Variants in KLF13 observed in about 807,000 individuals in gnomAD.
KLF13 encodes the protein KLF transcription factor 13.
Under a neutral mutation model 16.7 loss-of-function variants are expected in KLF13, and 8 were observed. The observed-to-expected ratio is 0.48, with a 90% CI of 0.28 to 0.87. The LOEUF (loss-of-function observed/expected upper bound fraction) is 0.87, where lower values mean the gene tolerates loss of function less well. Among genes scored for constraint, KLF13 ranks in the 40% least tolerant of loss-of-function variants. The pLI, the probability that KLF13 is intolerant of heterozygous loss-of-function variation, is 0.10. For missense variants in KLF13, 447 were observed against 452.2 expected (o/e 0.99, Z 0.10); for synonymous variants, 245 against 208.4 (o/e 1.18, Z -1.51).
At chr15:31,328,044 C>A (rs1315978409) in intron 1 of KLF13, among the ~76,000 whole-genome samples, 2 of 145,462 alleles carry the variant, frequency 1.4e-5, no homozygotes, top group Non-Finnish European at 3.0e-5. Flanking sequence ...CGGGCGCGCT[C>A]GGGTGGGGCC....
intron 1 of KLF13, among the ~76,000 whole-genome samples, chr15:31,413,121 G>T (rs1239306879): frequency 6.9e-6 from 1 of 144,700 alleles, no homozygotes; most frequent in Non-Finnish European, 1.5e-5. Context: ...GAGACAGAAA[G>T]AGAGTGCTAA....
chr15:31,393,421 C>A (rs2039903590), intron 1 of KLF13, among the ~76,000 whole-genome samples: 2 of 103,430 alleles, frequency 1.9e-5, no homozygotes, highest in Non-Finnish European at 4.7e-5. Context: ...ACCCCCGGCC[C>A]GTCCCCCCCC....
At chr15:31,352,131 T>C (rs1226611934) in intron 1 of KLF13, among the ~76,000 whole-genome samples, 1 of 152,178 alleles carries the variant, frequency 6.6e-6, no homozygotes, top group Non-Finnish European at 1.5e-5. Flanking sequence ...TGTTGGAGTT[T>C]ACACAACAGA....
At position 31,373,229 on chromosome 15, in the gene KLF13, G is replaced by C. The variant is rs1566823746; in HGVS notation, c.*930G>C. The C allele has an allele frequency of 1.3e-5, 2 of 152,284 alleles. No homozygotes were observed. Among genetic ancestry groups the C allele is most frequent in the Admixed American group, 6.5e-5 (1 of 15,288 alleles). 9.4% of individuals were successfully genotyped at this position (152,284 alleles called of 1,614,324 possible). On this transcript the variant is annotated 3_prime_UTR_variant, in exon 2 of 2. Transcript: ENST00000307145. The stretch of plus-strand genomic sequence containing the variant: ...TTCCTGGTGGCACATCCAGTTCCGA[G>C]TTTGCCCGCACGGGCACTTTTGTTG...
intron 1 of KLF13, among the ~76,000 whole-genome samples, chr15:31,430,912 G>A (rs988641905): frequency 1.3e-5 from 2 of 152,174 alleles, no homozygotes; most frequent in Admixed American, 1.3e-4. Context: ...GGATGTAACA[G>A]TATCCACTAA....
At chr15:31,356,443 T>C (rs910479843) in intron 1 of KLF13, among the ~76,000 whole-genome samples, 1 of 152,140 alleles carries the variant, frequency 6.6e-6, no homozygotes, top group Non-Finnish European at 1.5e-5. Flanking sequence ...TCCCAGCTAC[T>C]CAGGAGACTG....
intron 1 of KLF13, among the ~76,000 whole-genome samples, chr15:31,426,893 A>G (rs567656518): frequency 1.3e-5 from 2 of 152,284 alleles, no homozygotes; most frequent in East Asian, 3.9e-4. Flanking sequence ...AGAGGCAAGT[A>G]TCTCTTTTTC....
chr15:31,391,805 G>A (rs566153630), upstream of KLF13, among the ~76,000 whole-genome samples: 1 of 152,250 alleles, frequency 6.6e-6, no homozygotes, highest in South Asian at 2.1e-4. Flanking sequence ...GAGTTGGGTT[G>A]GGGGAGGCGG....
chr15:31,407,228 A>G (rs905079084), downstream of KLF13, among the ~76,000 whole-genome samples: 1 of 152,180 alleles, frequency 6.6e-6, no homozygotes, highest in Admixed American at 6.5e-5. Flanking sequence ...CTGTAATCCC[A>G]TTATTTTGAG....
intron 1 of KLF13, chr15:31,340,111 CG>C: frequency 1.4e-6 from 1 of 693,756 alleles, no homozygotes; most frequent in African/African-American, 1.8e-5. Context: ...GTCTCGTCTT[CG>C]TTGTAGGCCT....
At chr15:31,399,290 TC>T (rs1278922961) in intron 2 of KLF13, among the ~76,000 whole-genome samples, 1 of 152,182 alleles carries the variant, frequency 6.6e-6, no homozygotes, top group Non-Finnish European at 1.5e-5. Flanking sequence ...CAAGCGATTC[TC>T]CTGCCTCAGC....
intron 1 of KLF13, among the ~76,000 whole-genome samples, chr15:31,337,253 C>T (rs1449845031): frequency 1.3e-5 from 2 of 152,216 alleles, no homozygotes; most frequent in African/African-American, 2.4e-5. Flanking sequence ...TTCTTCCGCC[C>T]GCCTTACACG....
chr15:31,422,332 G>A (rs2040338397), intron 1 of KLF13, among the ~76,000 whole-genome samples: 1 of 151,898 alleles, frequency 6.6e-6, no homozygotes. Flanking sequence ...TAGCTGGAGA[G>A]ACCTCGGGAA....
Position 31,401,710 on chromosome 15 carries a change from C to T in KLF13, n.530-1718C>T, listed in dbSNP as rs111350836. 1.9e-4 allele frequency among the ~76,000 whole-genome samples: 29 copies of T among 152,312 alleles called. No individual in the cohort carries two copies. In the South Asian group the frequency reaches 2.1e-3, roughly 11 times the overall value. ...ATGGGGAAACTGAGGTTCAGAGATG[C>T]GGTACTTGCCCAAGGCCACACTGGT... is the stretch of plus-strand genomic sequence containing the variant. On this transcript the variant is annotated intron_variant and non_coding_transcript_variant, in intron 2 of 2. Coordinates refer to the KLF13 transcript ENST00000500533.
intron 1 of KLF13, chr15:31,435,249 T>C (rs1472123186): frequency 6.6e-6 from 1 of 152,262 alleles, no homozygotes; most frequent in Non-Finnish European, 1.5e-5. Flanking sequence ...CTCTTCAAGC[T>C]GAAAACCTTT....
At chr15:31,347,639 C>T (rs2039145508) in intron 1 of KLF13, among the ~76,000 whole-genome samples, 1 of 152,180 alleles carries the variant, frequency 6.6e-6, no homozygotes, top group African/African-American at 2.4e-5. Flanking sequence ...AGAGGCGGGG[C>T]AGTGTGACTT....
At chr15:31,353,150 C>A (rs1041720072) in intron 1 of KLF13, among the ~76,000 whole-genome samples, 1 of 152,126 alleles carries the variant, frequency 6.6e-6, no homozygotes, top group Admixed American at 6.5e-5. Context: ...ATTTCCTGGT[C>A]TGTCACTTAG....
intron 1 of KLF13, among the ~76,000 whole-genome samples, chr15:31,370,053 T>C (rs1297075100): frequency 2.7e-5 from 4 of 150,578 alleles, no homozygotes; most frequent in South Asian, 2.1e-4. Context: ...TCTTTTTTTT[T>C]TTTTTTTTTT....
At chr15:31,331,488 C>T (rs1423172043) in intron 1 of KLF13, among the ~76,000 whole-genome samples, 1 of 152,082 alleles carries the variant, frequency 6.6e-6, no homozygotes, top group Non-Finnish European at 1.5e-5. Flanking sequence ...CCAAGCACAC[C>T]GCCCCTTGGG....
Sources: gnomAD v4.1 joint callset for allele counts (sites outside exome capture counted in the v4.1 genomes callset) on GRCh38, gnomAD v4.1.1 for gene constraint, MANE v1.5 for transcripts, NCBI Gene and HGNC (gene_info 2026-07-23, HGNC 2026-07-21) for gene names.